The following LAMC3 variants were observed in gnomAD, a reference collection of about 807,000 sequenced individuals.
LAMC3 encodes laminin subunit gamma 3.
In LAMC3, 128 loss-of-function variants were observed where a neutral mutation model predicts 173.8. The ratio of observed to expected loss-of-function variants is 0.74; its 90% confidence interval spans 0.64 to 0.85. The LOEUF is 0.85. Ranked by LOEUF, LAMC3 falls within the 40% of genes least tolerant of loss-of-function variation. The pLI is 0.00. For synonymous variants in LAMC3, 897 were observed against 909.1 expected, an observed-to-expected ratio of 0.99 and a Z score of 0.24; for missense variants, 2,022 against 2,156.0, an observed-to-expected ratio of 0.94 and a Z score of 1.23.
intron 8 of LAMC3, among the ~76,000 whole-genome samples, chr9:131,047,146 T>G (rs1834181925): frequency 6.7e-6 from 1 of 149,886 alleles, no homozygotes; most frequent in Non-Finnish European, 1.5e-5. Context: ...TCTCAAAACT[T>G]TTTGGTCTCT....
At chr9:131,087,248 A>G (rs1830347305) in intron 25 of LAMC3, among the ~76,000 whole-genome samples, 1 of 152,070 alleles carries the variant, frequency 6.6e-6, no homozygotes, top group Admixed American at 6.5e-5. Flanking sequence ...CTGTTTCCTC[A>G]CCTGTAAAAT....
Position 131,069,745 on chromosome 9 carries a change from C to T in LAMC3, c.2964C>T (p.Gly988=). ...HENGTCVCRP[G]FEGYKCDRCH... Reference sequence around the variant, plus strand: ...ACGGCACATGCGTGTGCAGGCCTGGCTTCGAGGGCTACAAATGTGACCGCT... The same window carrying T: ...ACGGCACATGCGTGTGCAGGCCTGGTTTCGAGGGCTACAAATGTGACCGCT... The change falls in exon 17 of 28, where the codon GGC becomes GGT. Residue 988 remains glycine (G), a synonymous_variant. Transcript: ENST00000361069. 1.9e-6 allele frequency: 3 copies of T among 1,599,550 alleles called. No homozygotes were observed. Among genetic ancestry groups the T allele is most frequent in the Non-Finnish European group, 2.6e-6 (3 of 1,173,788 alleles).
chr9:131,069,890 G>A (rs973716619), intron 17 of LAMC3, 40 bp downstream of exon 17: 2 of 1,546,744 alleles, frequency 1.3e-6, no homozygotes, highest in Non-Finnish European at 8.8e-7. Context: ...CATTCATTCT[G>A]TATTCCCAGC....
In LAMC3 at chr9:131,029,271, A is replaced by C. The variant is rs1833783504; in HGVS notation, c.678+2682A>C. ...TAGACGTCCAGGCCCTGCTTGTCCC[A>C]CTAAAATTGTACATGTCACCATGAT... On this transcript the variant is annotated intron_variant, in intron 2 of 27. Coordinates refer to ENST00000361069, the MANE Select transcript of LAMC3 (RefSeq NM_006059.4). The surrounding 1 kb of genome is among the most constrained non-coding windows in gnomAD (Gnocchi z 4.6). Among the ~76,000 whole-genome samples the C allele has an allele frequency of 1.3e-5, 2 of 152,180 alleles. No individual in the cohort carries two copies. Among genetic ancestry groups the C allele is most frequent in the Admixed American group, 6.5e-5 (1 of 15,280 alleles).
intron 12 of LAMC3, 120 bp from the exon 13 acceptor site, chr9:131,060,915 G>A (rs1453124393): frequency 1.0e-6 from 1 of 976,084 alleles, no homozygotes; most frequent in South Asian, 1.3e-5. Context: ...TGCTGCCTCT[G>A]CCTGGGAAAG....
intron 1 of LAMC3, among the ~76,000 whole-genome samples, chr9:131,012,310 G>A (rs896806948): frequency 6.6e-6 from 1 of 152,148 alleles, no homozygotes; most frequent in South Asian, 2.1e-4. Context: ...CCACTCACTG[G>A]GCAAGCGGAG....
At chr9:131,021,602 C>T (rs960501104) in intron 1 of LAMC3, among the ~76,000 whole-genome samples, 4 of 152,198 alleles carry the variant, frequency 2.6e-5, no homozygotes, top group African/African-American at 7.2e-5. Flanking sequence ...CAACAAGCAG[C>T]GGTACCAGCT....
chr9:131,093,265 C>G lies in LAMC3; in HGVS notation c.*1478C>G, dbSNP rs1305496314. The G allele has an allele frequency of 6.6e-6, 1 of 152,252 alleles. No homozygotes were observed. Among genetic ancestry groups the G allele is most frequent in the Non-Finnish European group, 1.5e-5 (1 of 68,110 alleles). 9.4% of individuals were successfully genotyped at this position (152,252 alleles called of 1,614,324 possible). A position where few individuals can be genotyped will look rare whatever the true frequency, so the allele number is the denominator to read the frequency against. The stretch of plus-strand genomic sequence containing the variant: ...ATCACAGGTACCTACCCTGTCCTCT[C>G]AGGCACTTACCACGTAAAGCCTAGG... On this transcript the variant is annotated 3_prime_UTR_variant, in exon 28 of 28. Coordinates refer to ENST00000361069, the MANE Select transcript of LAMC3 (RefSeq NM_006059.4).
chr9:131,011,246 A>G (rs540737214), intron 1 of LAMC3, among the ~76,000 whole-genome samples: 1 of 152,270 alleles, frequency 6.6e-6, no homozygotes. Flanking sequence ...CAATTCCCAA[A>G]CACATTTGGA....
Position 131,009,469 on chromosome 9 carries a change from C to T in LAMC3, c.255C>T (p.His85=). The T allele has an allele frequency of 1.3e-6, 2 of 1,548,860 alleles. No individual in the cohort carries two copies. Among genetic ancestry groups the T allele is most frequent in the Non-Finnish European group, 1.7e-6 (2 of 1,146,600 alleles). ...QRCDAADPQR[H]HNASYLTDFH... ...GCGACGCCGCCGACCCCCAGCGCCA[C>T]CACAACGCCTCCTACCTCACCGACT... Residue 85 remains histidine (H), a synonymous_variant, in exon 1 of 28, where the codon CAC becomes CAT. Transcript: ENST00000361069. The surrounding 1 kb of genome is among the most constrained non-coding windows in gnomAD (Gnocchi z 4.3).
chr9:131,051,773 G>A (rs1834290435), intron 9 of LAMC3, among the ~76,000 whole-genome samples: 1 of 151,822 alleles, frequency 6.6e-6, no homozygotes. Context: ...CACCTCTGTG[G>A]CTTTCTCACG....
In LAMC3 at chr9:131,045,661, GTA is replaced by G; in HGVS notation, c.1519+2_1519+3del. 1 of 1,614,096 alleles carries G rather than the reference GTA, an allele frequency of 6.2e-7. No homozygotes were observed. Among genetic ancestry groups the G allele is most frequent in the East Asian group, 2.2e-5 (1 of 44,884 alleles). The stretch of plus-strand genomic sequence containing the variant: ...CACATCCTCAGCGATTTCCACCAGG[GTA>G]AGAGATGCTCCCTGCAAACGCCTCC... On this transcript the variant is annotated splice_donor_variant and splice_donor_region_variant and intron_variant, in intron 8 of 27. Coordinates refer to ENST00000361069, the MANE Select transcript of LAMC3 (RefSeq NM_006059.4). LOFTEE classifies it high-confidence loss of function.
rs1321739502 is a variant in LAMC3, at chr9:131,093,692, A to C, written c.*1905A>C. On this transcript the variant is annotated 3_prime_UTR_variant, in exon 28 of 28. Transcript: ENST00000361069. ...AAAACGGCTGCCACGTGTTGGAGAT[A>C]GCCTAGGGAGGGGAGCCTGAGGCTT... 1 of 152,114 alleles carries C rather than the reference A, an allele frequency of 6.6e-6. No homozygotes were observed. The highest frequency in any genetic ancestry group is 1.5e-5 in the Non-Finnish European group (1 of 68,066). 9.4% of individuals were successfully genotyped at this position (152,114 alleles called of 1,614,324 possible).
intron 1 of LAMC3, among the ~76,000 whole-genome samples, chr9:131,016,490 T>C (rs1215423788): frequency 6.6e-6 from 1 of 152,234 alleles, no homozygotes; most frequent in Non-Finnish European, 1.5e-5. Context: ...AGAATATTCC[T>C]GGCCTTTGGC....
intron 21 of LAMC3, 46 bp downstream of exon 21, chr9:131,076,011 T>C (rs1400066819): frequency 6.4e-7 from 1 of 1,554,860 alleles, no homozygotes. Context: ...GTTGGCCTCC[T>C]GGAGCCAACA....
rs1409669791 is a variant in LAMC3, at chr9:131,009,198, C to T, written c.-17C>T. ...CGAGCGGGGCCGGCAGAGCGCGCGG[C>T]GTCGGTGCCCTTGACCATGGCGGCG... On this transcript the variant is annotated 5_prime_UTR_variant, in exon 1 of 28. Coordinates refer to ENST00000361069, the MANE Select transcript of LAMC3 (RefSeq NM_006059.4). The surrounding 1 kb of genome is among the most constrained non-coding windows in gnomAD (Gnocchi z 4.3). 3.3e-6 allele frequency: 4 copies of T among 1,194,112 alleles called. No homozygotes were observed. Among genetic ancestry groups the T allele is most frequent in the Non-Finnish European group, 4.1e-6 (4 of 966,124 alleles). 74.0% of individuals were successfully genotyped at this position (1,194,112 alleles called of 1,614,324 possible).
chr9:131,015,618 G>GC (rs1692113704), intron 1 of LAMC3, among the ~76,000 whole-genome samples: 1 of 152,056 alleles, frequency 6.6e-6, no homozygotes, highest in Non-Finnish European at 1.5e-5. Flanking sequence ...GTGTGCAAAG[G>GC]CTATGCAAGG....
At chr9:131,022,529 A>G (rs1281466318) in intron 1 of LAMC3, among the ~76,000 whole-genome samples, 1 of 152,092 alleles carries the variant, frequency 6.6e-6, no homozygotes, top group Non-Finnish European at 1.5e-5. Context: ...TTGTGCAGCC[A>G]TCACCACAAT....
At position 131,035,146 on chromosome 9, in the gene LAMC3, C is replaced by T. The variant is rs150524166; in HGVS notation, c.810-1020C>T. Among the ~76,000 whole-genome samples, 1,036 of 152,288 alleles carry T rather than the reference C, an allele frequency of 6.8e-3. 9 individuals are homozygous for T. Among genetic ancestry groups the T allele is most frequent in the African/African-American group, 0.023 (947 of 41,546 alleles). ...TGTATTTTTAGTAGAGACTGGGTTT[C>T]TCCATGTTGGTCAGGCTGGTCTCCA... On this transcript the variant is annotated intron_variant, in intron 3 of 27. Coordinates refer to ENST00000361069, the MANE Select transcript of LAMC3 (RefSeq NM_006059.4).
Sources: allele counts gnomAD v4.1 joint callset (sites outside exome capture counted in the v4.1 genomes callset), GRCh38; gene constraint gnomAD v4.1.1; non-coding constraint Gnocchi (gnomAD v3.1); transcripts MANE v1.5; gene names NCBI Gene and HGNC (gene_info 2026-07-23, HGNC 2026-07-21).